Variants in ENG observed in about 807,000 individuals in gnomAD.
ENG encodes endoglin.
A neutral mutation model predicts 71.0 loss-of-function variants in ENG; 17 were observed. The ratio of observed to expected loss-of-function variants is 0.24; its 90% CI spans 0.16 to 0.36. The LOEUF (loss-of-function observed/expected upper bound fraction) is 0.36, where lower values mean the gene tolerates loss of function less well. Among genes scored for constraint, ENG ranks in the 10% least tolerant of loss-of-function variants. The probability of loss-of-function intolerance (pLI) is 1.00; values close to 1 mark genes in which losing one functional copy is unlikely to be tolerated. For synonymous variants in ENG, 360 were observed against 366.9 expected (o/e 0.98, Z 0.21); for missense variants, 749 against 868.3 (o/e 0.86, Z 1.73).
chr9:127,853,310 C>T (rs1012685539), intron 1 of ENG, among the ~76,000 whole-genome samples: 5 of 152,126 alleles, frequency 3.3e-5, no homozygotes, highest in African/African-American at 1.2e-4. Flanking sequence ...TCCCCTTCCT[C>T]CCCACACTCT....
chr9:127,815,582 T>C lies in ENG; in HGVS notation c.*100A>G. The C allele has an allele frequency of 6.7e-7, 1 of 1,491,384 alleles. No homozygotes were observed. The highest frequency in any genetic ancestry group is 8.9e-7 in the Non-Finnish European group (1 of 1,122,716). The allele number at this position is 1,491,384 out of a possible 1,614,324, so 92.4% of individuals were successfully genotyped here. ...TAGGCGCGGAGAGCAGGCTCCATTC[T>C]GGGTCGAGTGGAGGACTGGCTCCCA... On this transcript the variant is annotated 3_prime_UTR_variant, in exon 15 of 15. Transcript: ENST00000373203.
intron 2 of ENG, among the ~76,000 whole-genome samples, chr9:127,831,701 CT>C (rs1830770442): frequency 1.4e-5 from 1 of 69,926 alleles, no homozygotes; most frequent in Non-Finnish European, 3.0e-5. Flanking sequence ...TTTTTTTTTT[CT>C]TTCTTTTGAG....
At chr9:127,848,414 G>A (rs149774218) in intron 1 of ENG, among the ~76,000 whole-genome samples, 96 of 151,814 alleles carry the variant, frequency 6.3e-4, no homozygotes, top group African/African-American at 2.1e-3. Flanking sequence ...TCAGCCTCCC[G>A]AGCAGCTACA....
intron 8 of ENG, among the ~76,000 whole-genome samples, chr9:127,821,704 C>T (rs558969131): frequency 2.9e-3 from 419 of 143,338 alleles, no homozygotes; most frequent in Non-Finnish European, 4.5e-3. Context: ...AGTGAAACCC[C>T]GTCTCTGCTA....
rs1438530314 is a variant in ENG, at chr9:127,843,189, C to G, written c.124G>C (p.Val42Leu). Residue 42 changes from valine (V) to leucine (L), a missense_variant, in exon 2 of 15, where the codon GTG becomes CTG. Transcript: ENST00000373203. Reference protein sequence around the residue: ...LQPVGPERGEVTYTTSQVSKG... With the variant: ...LQPVGPERGELTYTTSQVSKG... ...GAGACCTGGCTAGTGGTATATGTCA[C>G]CTCGCCCCTCTCGGGGCCCACAGGC... The G allele has an allele frequency of 2.5e-6, 4 of 1,614,126 alleles. No individual in the cohort carries two copies. The African/African-American group carries it at 5.3e-5, about 22-fold the overall frequency.
rs150456852 is a variant in ENG, at chr9:127,818,351, C to T, written c.1455G>A (p.Glu485=). 162 of 1,613,934 alleles carry T rather than the reference C, an allele frequency of 1.0e-4. 1 individual carries two copies. The African/African-American group carries it at 1.7e-3, about 17-fold the overall frequency. Residue 485 remains glutamate, a synonymous_variant, in exon 12 of 15, where the codon GAG becomes GAA. Coordinates refer to ENST00000373203, the MANE Select transcript of ENG (RefSeq NM_001114753.3). ...VQVRVSPSVS[E]FLLQLDSCHL... is the part of the protein sequence containing the mutation. ...GGCAGCTGTCTAACTGGAGCAGGAA[C>T]TCGGAGACGGATGGGGACACTCTGA...
intron 8 of ENG, chr9:127,821,323 G>A (rs1015885093): frequency 4.6e-5 from 7 of 152,020 alleles, no homozygotes; most frequent in African/African-American, 1.7e-4. Flanking sequence ...CCCAGCTACT[G>A]GGAAGGCTGA....
intron 2 of ENG, among the ~76,000 whole-genome samples, chr9:127,835,730 AGGGTT>A (rs1274795229): frequency 2.6e-5 from 4 of 152,242 alleles, no homozygotes; most frequent in Admixed American, 2.6e-4. Flanking sequence ...GGGGTAGGAC[AGGGTT>A]GGGAACCAGT....
intron 2 of ENG, among the ~76,000 whole-genome samples, chr9:127,831,160 T>A (rs1178790263): frequency 9.3e-6 from 1 of 107,446 alleles, no homozygotes; most frequent in Non-Finnish European, 1.8e-5. Context: ...GTAAATACCA[T>A]TTTTTTTTTT....
At position 127,843,258 on chromosome 9, in the gene ENG, C is replaced by T. The variant is rs1265144661; in HGVS notation, c.68-13G>A. The T allele has an allele frequency of 1.2e-6, 2 of 1,614,146 alleles. No homozygotes were observed. Among genetic ancestry groups the T allele is most frequent in the African/African-American group, 1.3e-5 (1 of 75,062 alleles). On this transcript the variant is annotated splice_polypyrimidine_tract_variant and intron_variant, in intron 1 of 14. Transcript: ENST00000373203. ...GTTTCTGCAAGACCTGTTGGAGAAA[C>T]ATCCGGAAAGAGGCCAGGTGAGAAT...
At chr9:127,844,964 G>A (rs575472768) in intron 1 of ENG, among the ~76,000 whole-genome samples, 31 of 152,294 alleles carry the variant, frequency 2.0e-4, no homozygotes, top group African/African-American at 6.3e-4. Flanking sequence ...CGCAGAGCCC[G>A]GAAACACAGG....
Position 127,826,565 on chromosome 9 carries a change from G to C in ENG, c.468C>G (p.Ile156Met). ...GGTCATTCAGCTCAGCAGCAGAGGT[G>C]ATGGGGCCCCTCTCAGCTGCCCACT... ...ILEWAAERGP[I>M]TSAAELNDPQ... The change falls in exon 4 of 15, where the codon ATC becomes ATG. Residue 156 changes from isoleucine to methionine, a missense_variant. Coordinates refer to ENST00000373203, the MANE Select transcript of ENG (RefSeq NM_001114753.3). 11 of 1,614,142 alleles carry C rather than the reference G, an allele frequency of 6.8e-6. No homozygotes were observed. Among genetic ancestry groups the C allele is most frequent in the Non-Finnish European group, 9.3e-6 (11 of 1,180,008 alleles).
At chr9:127,816,201 C>A in intron 13 of ENG, 148 bp from the exon 14 acceptor site, 1 of 1,016,414 alleles carries the variant, frequency 9.8e-7, no homozygotes, top group Non-Finnish European at 1.5e-6. Flanking sequence ...TTGCAGCAAA[C>A]GGGCTCATCA....
intron 11 of ENG, 128 bp downstream of exon 11, chr9:127,818,588 C>T (rs938107592): frequency 7.3e-6 from 10 of 1,378,166 alleles, no homozygotes; most frequent in Middle Eastern, 1.9e-4. Flanking sequence ...TCTCCCTCTC[C>T]CGTGCACCCA....
At position 127,824,309 on chromosome 9, in the gene ENG, C is replaced by G; in HGVS notation, c.1129G>C (p.Val377Leu). 1 of 1,614,084 alleles carries G rather than the reference C, an allele frequency of 6.2e-7. No individual in the cohort carries two copies. The highest frequency in any genetic ancestry group is 8.5e-7 in the Non-Finnish European group (1 of 1,180,006). Residue 377 changes from valine (V) to leucine (L), a missense_variant, in exon 8 of 15, where the codon GTT becomes CTT. Val to Leu is a conservative substitution (Grantham distance 32). Coordinates refer to ENST00000373203, the MANE Select transcript of ENG (RefSeq NM_001114753.3). ...AMTLVLKKEL[V>L]AHLKCTITGL... The stretch of plus-strand genomic sequence containing the variant: ...AGGGGCAGGAGTTCCCTTACCGCAA[C>G]AAGCTCTTTCTTTAGTACCAGGGTC...
chr9:127,823,514 G>C (rs190496868), intron 8 of ENG, among the ~76,000 whole-genome samples: 1 of 148,478 alleles, frequency 6.7e-6, no homozygotes, highest in Non-Finnish European at 1.5e-5. Context: ...TCAGCCTCCC[G>C]ATTAGCTGGG....
chr9:127,825,434 G>A lies in ENG; in HGVS notation c.690-77C>T, dbSNP rs990951496. ...GAGCGAGGCCTGGCGTCGGGTGGGC[G>A]GCGGCTGCACTCTTACCTGGCCAGG... On this transcript the variant is annotated intron_variant, in intron 5 of 14. Coordinates refer to ENST00000373203, the MANE Select transcript of ENG (RefSeq NM_001114753.3). 35 of 1,593,026 alleles carry A rather than the reference G, an allele frequency of 2.2e-5. 1 individual carries two copies. Among genetic ancestry groups the A allele is most frequent in the South Asian group, 1.2e-4 (11 of 90,692 alleles).
intron 8 of ENG, among the ~76,000 whole-genome samples, chr9:127,823,553 TA>T (rs1248239770): frequency 6.6e-5 from 10 of 151,918 alleles, no homozygotes; most frequent in Non-Finnish European, 1.5e-4. Flanking sequence ...CACACCCGGT[TA>T]ATTTTTTGTA....
chr9:127,840,922 C>T lies in ENG; in HGVS notation c.219+2172G>A, dbSNP rs1283924999. ...TGAGTTACAGTGGCCCCCTGCCATGCCCCTAAAATCCCTCCAAGAACTGTT... is the reference window on the plus strand; with the variant it reads ...TGAGTTACAGTGGCCCCCTGCCATGTCCCTAAAATCCCTCCAAGAACTGTT... On this transcript the variant is annotated intron_variant, in intron 2 of 14. Transcript: ENST00000373203. 2.0e-5 allele frequency among the ~76,000 whole-genome samples: 3 copies of T among 152,204 alleles called. No homozygotes were observed. In the South Asian group the frequency reaches 6.2e-4, roughly 31 times the overall value.
Sources: gnomAD v4.1 joint callset for allele counts (sites outside exome capture counted in the v4.1 genomes callset) on GRCh38, gnomAD v4.1.1 for gene constraint, MANE v1.5 for transcripts, NCBI Gene and HGNC (gene_info 2026-07-23, HGNC 2026-07-21) for gene names.